CNBD1: variants seen among roughly 807,000 people sequenced by gnomAD.
CNBD1 encodes cyclic nucleotide-binding domain-containing protein 1.
In CNBD1, 71 loss-of-function variants were observed where a neutral mutation model predicts 54.4. The ratio of observed to expected loss-of-function variants is 1.30; its 90% CI spans 1.08 to 1.59. The LOEUF is 1.59. Among genes scored for constraint, CNBD1 ranks in the 40% most tolerant of loss-of-function variants. CNBD1 has a pLI of 0.00. For synonymous variants in CNBD1, 182 were observed against 170.7 expected (o/e 1.07, Z -0.51); for missense variants, 659 against 518.0 (o/e 1.27, Z -2.64).
rs181070329 is a variant in CNBD1, at chr8:87,027,991, A to T, written c.431+88237A>T. On this transcript the variant is annotated intron_variant, in intron 4 of 10. Coordinates refer to ENST00000518476, the MANE Select transcript of CNBD1 (RefSeq NM_173538.3). ...CGAATTTCTCAATTGAGAGGAGCCCATCCCAGTGTCTGGTACCCACAAAAG... is the reference window on the plus strand; with the variant it reads ...CGAATTTCTCAATTGAGAGGAGCCCTTCCCAGTGTCTGGTACCCACAAAAG... Among the ~76,000 whole-genome samples, 17 of 152,226 alleles carry T rather than the reference A, an allele frequency of 1.1e-4. No individual in the cohort carries two copies. The East Asian group carries it at 3.3e-3, about 29-fold the overall frequency.
chr8:87,077,865 C>G (rs964541431), intron 4 of CNBD1, among the ~76,000 whole-genome samples: 1 of 152,008 alleles, frequency 6.6e-6, no homozygotes, highest in African/African-American at 2.4e-5. Context: ...GTGAATAGTG[C>G]TGCAATAAAC....
intron 3 of CNBD1, among the ~76,000 whole-genome samples, chr8:86,938,155 A>G (rs542777983): frequency 6.6e-6 from 1 of 152,316 alleles, no homozygotes; most frequent in Admixed American, 6.5e-5. Context: ...GTCTCTGCTA[A>G]AACATAGCAA....
chr8:87,055,477 G>A (rs958358712), intron 4 of CNBD1, among the ~76,000 whole-genome samples: 2 of 151,678 alleles, frequency 1.3e-5, no homozygotes, highest in Admixed American at 6.6e-5. Flanking sequence ...AACCCACCAT[G>A]TTAATGTCTG....
chr8:87,140,014 ATT>A (rs1262063383), intron 4 of CNBD1, among the ~76,000 whole-genome samples: 1 of 152,122 alleles, frequency 6.6e-6, no homozygotes, highest in Non-Finnish European at 1.5e-5. Context: ...TACTCATTAT[ATT>A]AGTTTCACCA....
At chr8:87,244,188 A>C (rs891578289) in intron 6 of CNBD1, among the ~76,000 whole-genome samples, 2 of 152,118 alleles carry the variant, frequency 1.3e-5, no homozygotes, top group African/African-American at 4.8e-5. Flanking sequence ...GGCGGGGACA[A>C]CCTGAAGTAG....
At chr8:86,999,540 TAA>T (rs35631389) in intron 4 of CNBD1, among the ~76,000 whole-genome samples, 24 of 140,670 alleles carry the variant, frequency 1.7e-4, no homozygotes, top group African/African-American at 3.1e-4. Flanking sequence ...CTGTGGTATT[TAA>T]AAAAAAAAAA....
At chr8:87,380,063 A>G (rs1332860716) in intron 10 of CNBD1, among the ~76,000 whole-genome samples, 1 of 151,932 alleles carries the variant, frequency 6.6e-6, no homozygotes, top group Non-Finnish European at 1.5e-5. Flanking sequence ...ACTAGTAAGG[A>G]TAAACTTAGA....
Position 86,908,008 on chromosome 8 carries a change from T to C in CNBD1, c.272+2814T>C, listed in dbSNP as rs16894952. ...TGTAATTCATTTAACACAAATATTATGTGACAGCTACAACAGCAAGTAAGG... is the reference window on the plus strand; with the variant it reads ...TGTAATTCATTTAACACAAATATTACGTGACAGCTACAACAGCAAGTAAGG... On this transcript the variant is annotated intron_variant, in intron 3 of 10. Coordinates refer to ENST00000518476, the MANE Select transcript of CNBD1 (RefSeq NM_173538.3). Among the ~76,000 whole-genome samples the C allele has an allele frequency of 7.8e-3, 1,194 of 152,326 alleles. 38 individuals are homozygous for C. The highest frequency in any genetic ancestry group is 0.045 in the East Asian group (235 of 5,184).
At chr8:87,002,141 A>G (rs184053912) in intron 4 of CNBD1, among the ~76,000 whole-genome samples, 1 of 152,204 alleles carries the variant, frequency 6.6e-6, no homozygotes, top group East Asian at 1.9e-4. Context: ...CCTTATATCT[A>G]ATCTAATAGG....
At chr8:87,117,852 C>T (rs1007204021) in intron 4 of CNBD1, among the ~76,000 whole-genome samples, 2 of 152,074 alleles carry the variant, frequency 1.3e-5, no homozygotes, top group Non-Finnish European at 2.9e-5. Flanking sequence ...TTATAAATCA[C>T]ATTCTATTTA....
intron 4 of CNBD1, among the ~76,000 whole-genome samples, chr8:87,084,666 T>G (rs1811063041): frequency 6.6e-6 from 1 of 151,956 alleles, no homozygotes. Flanking sequence ...TTTAGTTTTC[T>G]TTCTTTTTTT....
chr8:87,027,136 G>A (rs956037198), intron 4 of CNBD1, among the ~76,000 whole-genome samples: 10 of 151,864 alleles, frequency 6.6e-5, no homozygotes, highest in Non-Finnish European at 1.2e-4. Flanking sequence ...ATAAATGTAC[G>A]TACATAAATA....
intron 8 of CNBD1, among the ~76,000 whole-genome samples, chr8:87,307,245 T>A (rs906768039): frequency 6.6e-6 from 1 of 152,196 alleles, no homozygotes; most frequent in Non-Finnish European, 1.5e-5. Context: ...AAACAGAATT[T>A]GGAACAAACA....
intron 4 of CNBD1, among the ~76,000 whole-genome samples, chr8:86,973,147 T>C (rs1435686434): frequency 6.6e-6 from 1 of 152,186 alleles, no homozygotes; most frequent in Non-Finnish European, 1.5e-5. Context: ...TACTCTAGAA[T>C]TGTATTCTGA....
intron 8 of CNBD1, among the ~76,000 whole-genome samples, chr8:87,310,525 A>C (rs1465211006): frequency 1.3e-5 from 2 of 152,180 alleles, no homozygotes; most frequent in African/African-American, 2.4e-5. Flanking sequence ...CATAGCTTGG[A>C]AGAATCAGTA....
chr8:87,377,033 T>A (rs1399503315), intron 10 of CNBD1, among the ~76,000 whole-genome samples: 1 of 149,398 alleles, frequency 6.7e-6, no homozygotes, highest in East Asian at 1.9e-4. Context: ...TTTTTTTTTT[T>A]ACATTTAGAA....
chr8:86,905,778 C>T (rs1809008404), intron 3 of CNBD1, among the ~76,000 whole-genome samples: 1 of 152,136 alleles, frequency 6.6e-6, no homozygotes, highest in Admixed American at 6.6e-5. Context: ...TGATGCAGCT[C>T]CTCTCAAATT....
intron 4 of CNBD1, among the ~76,000 whole-genome samples, chr8:87,031,493 C>A (rs757671651): frequency 2.6e-5 from 4 of 152,106 alleles, no homozygotes; most frequent in Non-Finnish European, 5.9e-5. Context: ...AAGCATTTTC[C>A]ACTATTTTTT....
intron 4 of CNBD1, among the ~76,000 whole-genome samples, chr8:87,189,784 CA>C (rs1199350768): frequency 6.6e-6 from 1 of 152,044 alleles, no homozygotes; most frequent in Admixed American, 6.6e-5. Flanking sequence ...TCTGGATGAT[CA>C]AATAAAATCA....
Sources: allele counts gnomAD v4.1 joint callset (sites outside exome capture counted in the v4.1 genomes callset), GRCh38; gene constraint gnomAD v4.1.1; transcripts MANE v1.5; gene names NCBI Gene and HGNC (gene_info 2026-07-23, HGNC 2026-07-21).